The following BMPER variants were observed in gnomAD, a reference collection of about 807,000 sequenced individuals.
BMPER encodes BMP binding endothelial regulator, also known as BMP-binding endothelial regulator protein.
BMPER carries 45 observed loss-of-function variants against 87.3 expected under a neutral mutation model. The ratio of observed to expected loss-of-function variants is 0.52; its 90% confidence interval spans 0.41 to 0.66. The LOEUF (loss-of-function observed/expected upper bound fraction) is 0.66. Ranked by LOEUF, BMPER falls within the 30% of genes least tolerant of loss-of-function variation. The pLI is 0.00. For missense variants in BMPER, 784 were observed against 867.5 expected, an observed-to-expected ratio of 0.90 and a Z score of 1.21; for synonymous variants, 326 against 316.2, an observed-to-expected ratio of 1.03 and a Z score of -0.33.
chr7:33,955,956 A>G (rs1785137567), intron 3 of BMPER, among the ~76,000 whole-genome samples: 1 of 152,156 alleles, frequency 6.6e-6, no homozygotes, highest in African/African-American at 2.4e-5. Context: ...AAACAATGTG[A>G]TGGAAGAAGG....
At chr7:33,946,415 C>G (rs1784896007) in intron 3 of BMPER, among the ~76,000 whole-genome samples, 1 of 152,158 alleles carries the variant, frequency 6.6e-6, no homozygotes, top group Non-Finnish European at 1.5e-5. Context: ...TCCAGAAGAG[C>G]AATGCGTTTT....
At chr7:34,059,967 C>G (rs989512627) in intron 10 of BMPER, among the ~76,000 whole-genome samples, 1 of 152,094 alleles carries the variant, frequency 6.6e-6, no homozygotes, top group African/African-American at 2.4e-5. Context: ...GAAGTGGGGA[C>G]TGGGTCATCA....
intron 4 of BMPER, among the ~76,000 whole-genome samples, chr7:33,968,288 G>A (rs916356485): frequency 1.3e-5 from 2 of 152,130 alleles, no homozygotes; most frequent in Non-Finnish European, 1.5e-5. Flanking sequence ...AGCAACCTGC[G>A]GTGAAGGGAC....
chr7:33,971,065 AG>A (rs1785532190), intron 5 of BMPER, among the ~76,000 whole-genome samples: 3 of 151,708 alleles, frequency 2.0e-5, no homozygotes, highest in Admixed American at 2.0e-4. Context: ...TGATCTCTTA[AG>A]CCACTGGCCA....
At chr7:34,046,858 CAGAA>C (rs1787983248) in intron 7 of BMPER, among the ~76,000 whole-genome samples, 1 of 150,768 alleles carries the variant, frequency 6.6e-6, no homozygotes, top group African/African-American at 2.4e-5. Flanking sequence ...TAATAGCCAA[CAGAA>C]AGAGAGTATG....
chr7:33,924,933 A>G (rs1320193589), intron 2 of BMPER, among the ~76,000 whole-genome samples: 4 of 152,206 alleles, frequency 2.6e-5, no homozygotes, highest in South Asian at 4.1e-4. Flanking sequence ...AAGTGCTGGG[A>G]TTACAGGCGC....
intron 11 of BMPER, among the ~76,000 whole-genome samples, chr7:34,077,073 C>T (rs79982858): frequency 0.25 from 37,585 of 152,096 alleles, 4,906 homozygotes; most frequent in Middle Eastern, 0.3. Context: ...TCCGAACTGT[C>T]ATTCTCCTGA....
chr7:33,937,371 G>C lies in BMPER; in HGVS notation c.302G>C (p.Cys101Ser). The C allele has an allele frequency of 6.2e-7, 1 of 1,614,142 alleles. No homozygotes were observed. Among genetic ancestry groups the C allele is most frequent in the Non-Finnish European group, 8.5e-7 (1 of 1,179,972 alleles). ...CTGGCCATCAAGCAGAGGGGAGCCT[G>C]TTGTGAACAGTGCAAAGGTGATTGA... is the stretch of plus-strand genomic sequence containing the variant. The part of the protein sequence containing the change: ...CALAIKQRGA[C>S]CEQCKGCTYE... Residue 101 changes from cysteine (C) to serine (S), a missense_variant, in exon 3 of 15, where the codon TGT (cysteine) becomes TCT (serine). Coordinates refer to ENST00000649409, the MANE Select transcript of BMPER (RefSeq NM_001365308.1).
At chr7:34,039,904 G>A (rs1787791685) in intron 6 of BMPER, among the ~76,000 whole-genome samples, 1 of 151,964 alleles carries the variant, frequency 6.6e-6, no homozygotes, top group Non-Finnish European at 1.5e-5. Flanking sequence ...TCATCAGGAG[G>A]CATAAACCAT....
At chr7:34,131,376 A>G (rs1790584214) in intron 13 of BMPER, among the ~76,000 whole-genome samples, 1 of 152,188 alleles carries the variant, frequency 6.6e-6, no homozygotes, top group African/African-American at 2.4e-5. Context: ...TGTGGAGCCA[A>G]AAGGCACGGC....
At chr7:34,129,590 G>GAA (rs1790500229) in intron 13 of BMPER, among the ~76,000 whole-genome samples, 1 of 128,700 alleles carries the variant, frequency 7.8e-6, no homozygotes, top group African/African-American at 3.1e-5. Context: ...GAGAGAGAGA[G>GAA]AGAGAGAGAG....
At chr7:34,028,363 A>G (rs557157792) in intron 6 of BMPER, among the ~76,000 whole-genome samples, 2 of 152,146 alleles carry the variant, frequency 1.3e-5, no homozygotes, top group East Asian at 1.9e-4. Context: ...TTTGTTATTT[A>G]AAAGGAACAC....
intron 3 of BMPER, among the ~76,000 whole-genome samples, chr7:33,941,079 A>T (rs1784749940): frequency 7.4e-6 from 1 of 135,518 alleles, no homozygotes; most frequent in African/African-American, 2.8e-5. Flanking sequence ...TAATTTATAT[A>T]TTTATATATA....
At chr7:34,019,931 G>C (rs1300098833) in intron 6 of BMPER, among the ~76,000 whole-genome samples, 2 of 150,340 alleles carry the variant, frequency 1.3e-5, no homozygotes, top group Admixed American at 6.7e-5. Flanking sequence ...AAGCTGTTCT[G>C]TAAGGTTTTT....
chr7:34,000,458 A>G (rs187221021), intron 6 of BMPER, among the ~76,000 whole-genome samples: 13 of 152,216 alleles, frequency 8.5e-5, no homozygotes, highest in Non-Finnish European at 1.8e-4. Context: ...CCTAGTGTGT[A>G]TTATGTTGTG....
intron 13 of BMPER, among the ~76,000 whole-genome samples, chr7:34,138,303 A>C (rs1379489362): frequency 6.6e-6 from 1 of 152,202 alleles, no homozygotes; most frequent in Non-Finnish European, 1.5e-5. Flanking sequence ...ACCACAGGTC[A>C]GTTCTGATCC....
At position 34,113,363 on chromosome 7, in the gene BMPER, G is replaced by A. The variant is rs548698126; in HGVS notation, c.1745+27271G>A. On this transcript the variant is annotated intron_variant, in intron 13 of 14. Transcript: ENST00000649409. The stretch of plus-strand genomic sequence containing the variant: ...TTGGTAGCCAAATATATCTTTTTTT[G>A]TGGTTTATAGGTTTTCCCTTTCCAT... Among the ~76,000 whole-genome samples the A allele has an allele frequency of 6.7e-4, 102 of 151,710 alleles. 2 individuals carry two copies. The highest frequency in any genetic ancestry group is 2.3e-3 in the African/African-American group (94 of 41,396).
At chr7:33,920,469 A>G (rs1371001035) in intron 2 of BMPER, among the ~76,000 whole-genome samples, 3 of 116,470 alleles carry the variant, frequency 2.6e-5, no homozygotes, top group African/African-American at 1.0e-4. Context: ...TCTATGGCCC[A>G]GGCTGGAGTA....
intron 11 of BMPER, among the ~76,000 whole-genome samples, chr7:34,068,928 T>A (rs1024868900): frequency 1.3e-5 from 2 of 152,232 alleles, no homozygotes; most frequent in African/African-American, 4.8e-5. Context: ...AAAAATCTCC[T>A]AATCCAGTAT....
Sources: allele counts gnomAD v4.1 joint callset (sites outside exome capture counted in the v4.1 genomes callset), GRCh38; gene constraint gnomAD v4.1.1; transcripts MANE v1.5; gene names NCBI Gene and HGNC (gene_info 2026-07-23, HGNC 2026-07-21).